The following WAC variants were observed in gnomAD, a reference collection of about 807,000 sequenced individuals.
WAC encodes the protein WW domain-containing adapter protein with coiled-coil.
Under a neutral mutation model 79.6 loss-of-function variants are expected in WAC, and 11 were observed. That is an observed-to-expected ratio of 0.14 (90% CI 0.09 to 0.23). WAC has a LOEUF of 0.23. Among genes scored for constraint, WAC ranks in the 10% least tolerant of loss-of-function variants. The pLI is 1.00. For missense variants in WAC, 728 were observed against 773.5 expected, an observed-to-expected ratio of 0.94 and a Z score of 0.70; for synonymous variants, 304 against 276.9, an observed-to-expected ratio of 1.10 and a Z score of -0.97.
intron 3 of WAC, among the ~76,000 whole-genome samples, chr10:28,545,611 T>A (rs180788802): frequency 6.6e-6 from 1 of 152,366 alleles, no homozygotes; most frequent in Admixed American, 6.5e-5. Context: ...ATGTGAGTTT[T>A]ATCATTAACA....
chr10:28,558,651 A>T (rs1257208952), intron 3 of WAC, among the ~76,000 whole-genome samples: 1 of 152,188 alleles, frequency 6.6e-6, no homozygotes, highest in Non-Finnish European at 1.5e-5. Context: ...CATTGCCTTC[A>T]TTGTATCAGA....
chr10:28,591,351 C>G (rs1840073589), intron 6 of WAC: 1 of 152,646 alleles, frequency 6.6e-6, no homozygotes, highest in Non-Finnish European at 1.5e-5. Context: ...GTTTGAATTT[C>G]CACACAATTT....
chr10:28,556,413 T>TTTTTTTG (rs1266436477), intron 3 of WAC, among the ~76,000 whole-genome samples: 1 of 147,788 alleles, frequency 6.8e-6, no homozygotes, highest in Non-Finnish European at 1.5e-5. Flanking sequence ...TTTTTTTTTT[T>TTTTTTTG]TTGCCATTAA....
intron 7 of WAC, among the ~76,000 whole-genome samples, chr10:28,603,963 A>ATATATATATATATATATATGTG (rs1840786054): frequency 9.6e-5 from 1 of 10,458 alleles, no homozygotes; most frequent in Non-Finnish European, 2.3e-4. Context: ...GTATGTATGT[A>ATATATATATATATATATATGTG]TATATATATA....
chr10:28,561,367 A>T (rs1170810139), intron 3 of WAC, among the ~76,000 whole-genome samples: 6 of 152,168 alleles, frequency 3.9e-5, no homozygotes, highest in African/African-American at 1.4e-4. Flanking sequence ...TTCTCTTCCC[A>T]GAATTGTCCT....
intron 3 of WAC, among the ~76,000 whole-genome samples, chr10:28,578,600 G>C (rs1433206607): frequency 2.6e-5 from 4 of 151,864 alleles, no homozygotes; most frequent in Non-Finnish European, 5.9e-5. Context: ...TAATATCCTG[G>C]TTCCCTTTTG....
In WAC at chr10:28,622,629, C is replaced by T. The variant is rs1841733854; in HGVS notation, c.*3023C>T. On this transcript the variant is annotated 3_prime_UTR_variant, in exon 14 of 14. Coordinates refer to ENST00000354911, the MANE Select transcript of WAC (RefSeq NM_016628.5). ...TCCAGACTAAAAACATGCTTCAGCC[C>T]TGTTTCAAGACATTATGCTTCTTTT... 1 of 152,034 alleles carries T rather than the reference C, an allele frequency of 6.6e-6. No homozygotes were observed. Among genetic ancestry groups the T allele is most frequent in the African/African-American group, 2.4e-5 (1 of 41,388 alleles). 9.4% of individuals were successfully genotyped at this position (152,034 alleles called of 1,614,324 possible).
chr10:28,622,784 A>G lies in WAC; in HGVS notation c.*3178A>G, dbSNP rs1464793741. ...TTCCAAAAACAGTTTATTATGTTCA[A>G]AAACCACCATATCTTTGAGGGACTG... On this transcript the variant is annotated 3_prime_UTR_variant, in exon 14 of 14. Transcript: ENST00000354911. The G allele has an allele frequency of 6.6e-6, 1 of 152,152 alleles. No individual in the cohort carries two copies. The highest frequency in any genetic ancestry group is 1.5e-5 in the Non-Finnish European group (1 of 68,034). 9.4% of individuals were successfully genotyped at this position (152,152 alleles called of 1,614,324 possible).
intron 7 of WAC, among the ~76,000 whole-genome samples, chr10:28,600,512 T>A (rs1215399324): frequency 2.0e-5 from 3 of 152,154 alleles, no homozygotes; most frequent in Admixed American, 2.0e-4. Context: ...GTTAGAAAGA[T>A]TGGCCATAGT....
chr10:28,600,558 T>A (rs1016958343), intron 7 of WAC, among the ~76,000 whole-genome samples: 3 of 152,110 alleles, frequency 2.0e-5, no homozygotes, highest in Non-Finnish European at 4.4e-5. Context: ...AATAACTTAG[T>A]GTAGGAATTT....
At position 28,620,691 on chromosome 10, in the gene WAC, T is replaced by G. The variant is rs1211904307; in HGVS notation, c.*1085T>G. 1 of 152,214 alleles carries G rather than the reference T, an allele frequency of 6.6e-6. No homozygotes were observed. Among genetic ancestry groups the G allele is most frequent in the African/African-American group, 2.4e-5 (1 of 41,450 alleles). The allele number at this position is 152,214 out of a possible 1,614,324, so 9.4% of individuals were successfully genotyped here. ...TGTTTAAAACGTATTAACAGGAAAT[T>G]GTGTATGAGATATTTAATGAAATAA... On this transcript the variant is annotated 3_prime_UTR_variant, in exon 14 of 14. Transcript: ENST00000354911.
intron 3 of WAC, among the ~76,000 whole-genome samples, chr10:28,554,640 A>G (rs978596242): frequency 2.6e-5 from 4 of 152,130 alleles, no homozygotes; most frequent in African/African-American, 9.7e-5. Flanking sequence ...TTCATTCTCC[A>G]CATTGCAGTC....
chr10:28,551,038 A>T (rs186819580), intron 3 of WAC, among the ~76,000 whole-genome samples: 4 of 152,256 alleles, frequency 2.6e-5, no homozygotes, highest in Non-Finnish European at 1.5e-5. Flanking sequence ...TCTTAAATTC[A>T]TATCTCACTA....
chr10:28,604,676 C>T (rs1042526286), intron 7 of WAC, among the ~76,000 whole-genome samples: 7 of 152,134 alleles, frequency 4.6e-5, no homozygotes, highest in Non-Finnish European at 7.3e-5. Context: ...GCCAAGATCA[C>T]GCCACTGCGC....
intron 3 of WAC, among the ~76,000 whole-genome samples, chr10:28,571,357 T>G (rs565742222): frequency 2.7e-4 from 41 of 152,356 alleles, no homozygotes; most frequent in South Asian, 8.3e-4. Flanking sequence ...AGATCTGTTC[T>G]TTCTTTAGTT....
At chr10:28,572,609 C>T (rs1276426647) in intron 3 of WAC, among the ~76,000 whole-genome samples, 1 of 151,826 alleles carries the variant, frequency 6.6e-6, no homozygotes, top group Non-Finnish European at 1.5e-5. Flanking sequence ...TCAGAAGTTC[C>T]AGACCAGCCT....
At chr10:28,593,596 C>A (rs566791367) in intron 6 of WAC, among the ~76,000 whole-genome samples, 1 of 151,692 alleles carries the variant, frequency 6.6e-6, no homozygotes, top group African/African-American at 2.4e-5. Flanking sequence ...GGTGAAACCC[C>A]GTCTCTACTA....
At chr10:28,569,813 T>A (rs145343422) in intron 3 of WAC, among the ~76,000 whole-genome samples, 103 of 152,374 alleles carry the variant, frequency 6.8e-4, no homozygotes, top group African/African-American at 2.2e-3. Flanking sequence ...TACAGTACTT[T>A]ATAGTAAGTA....
chr10:28,571,319 AT>A (rs1277695924), intron 3 of WAC, among the ~76,000 whole-genome samples: 1 of 152,198 alleles, frequency 6.6e-6, no homozygotes, highest in Non-Finnish European at 1.5e-5. Flanking sequence ...AAAGTAAATA[AT>A]TTTGAGAATT....
Sources: gnomAD v4.1 joint callset for allele counts (sites outside exome capture counted in the v4.1 genomes callset) on GRCh38, gnomAD v4.1.1 for gene constraint, MANE v1.5 for transcripts, NCBI Gene and HGNC (gene_info 2026-07-23, HGNC 2026-07-21) for gene names.